Variants in GRHL2 observed in about 807,000 individuals in gnomAD.
GRHL2 encodes grainyhead-like protein 2 homolog.
Under a neutral mutation model 83.8 loss-of-function variants are expected in GRHL2, and 21 were observed. The ratio of observed to expected loss-of-function variants is 0.25; its 90% confidence interval spans 0.18 to 0.36. GRHL2 has a LOEUF of 0.36. GRHL2 is among the 10% of genes least tolerant of loss of function. GRHL2 has a pLI of 1.00. For synonymous variants in GRHL2, 280 were observed against 278.9 expected, an observed-to-expected ratio of 1.00 and a Z score of -0.04; for missense variants, 623 against 781.8, an observed-to-expected ratio of 0.80 and a Z score of 2.42.
chr8:101,524,446 T>C (rs1051626446), intron 1 of GRHL2, among the ~76,000 whole-genome samples: 1 of 152,200 alleles, frequency 6.6e-6, no homozygotes, highest in Non-Finnish European at 1.5e-5. Flanking sequence ...TTTTTAGCCT[T>C]TGTTCCCATC....
intron 1 of GRHL2, among the ~76,000 whole-genome samples, chr8:101,518,039 C>A (rs961473159): frequency 3.3e-5 from 5 of 152,192 alleles, no homozygotes; most frequent in Admixed American, 2.6e-4. Context: ...AGGCTCCACA[C>A]ACTCTTCCCT....
intron 7 of GRHL2, among the ~76,000 whole-genome samples, chr8:101,595,208 A>G (rs1812367495): frequency 6.6e-6 from 1 of 152,236 alleles, no homozygotes; most frequent in South Asian, 2.1e-4. Context: ...TGAAGGTGAT[A>G]GAAACTGACA....
At chr8:101,532,556 C>G (rs1810950783) in intron 1 of GRHL2, among the ~76,000 whole-genome samples, 1 of 152,034 alleles carries the variant, frequency 6.6e-6, no homozygotes, top group Non-Finnish European at 1.5e-5. Context: ...TCAAGACTAG[C>G]CTGACCAACA....
chr8:101,518,924 G>A (rs1810625399), intron 1 of GRHL2, among the ~76,000 whole-genome samples: 2 of 152,168 alleles, frequency 1.3e-5, no homozygotes. Flanking sequence ...CTGTTTGTGA[G>A]GCACATTGGT....
chr8:101,601,327 C>T (rs9649995), intron 8 of GRHL2, among the ~76,000 whole-genome samples: 77,975 of 151,628 alleles, frequency 0.51, 21,908 homozygotes, highest in African/African-American at 0.75. Context: ...TGGGTGAATG[C>T]TTTAACTGTT....
chr8:101,622,391 T>A (rs1219802010), intron 9 of GRHL2, among the ~76,000 whole-genome samples: 2 of 152,194 alleles, frequency 1.3e-5, no homozygotes, highest in Non-Finnish European at 2.9e-5. Flanking sequence ...CAAGCAATAT[T>A]ACTGTAAAGA....
intron 9 of GRHL2, among the ~76,000 whole-genome samples, chr8:101,622,913 A>G (rs1216153389): frequency 6.6e-6 from 1 of 152,178 alleles, no homozygotes; most frequent in Admixed American, 6.5e-5. Context: ...CTTACCTCCC[A>G]CATATCAGTG....
intron 14 of GRHL2, among the ~76,000 whole-genome samples, chr8:101,660,551 G>C (rs1404581605): frequency 6.6e-6 from 1 of 151,840 alleles, no homozygotes; most frequent in East Asian, 1.9e-4. Flanking sequence ...ATTCTCATTT[G>C]GTGTAATAAC....
intron 1 of GRHL2, among the ~76,000 whole-genome samples, chr8:101,533,048 GT>G (rs1810971286): frequency 6.6e-6 from 1 of 152,126 alleles, no homozygotes; most frequent in Non-Finnish European, 1.5e-5. Context: ...GCTGATTGAA[GT>G]TTAGCCTTCC....
rs561349832 is a variant in GRHL2 at position 101,547,409 on chromosome 8, C to T, written c.216+3973C>T. Reference sequence around the variant, plus strand: ...CACTCCTGAAGTTGGAGTATATCACCCCTGTGGGGACAGTCATGGACTCTG... The same window carrying T: ...CACTCCTGAAGTTGGAGTATATCACTCCTGTGGGGACAGTCATGGACTCTG... On this transcript the variant is annotated intron_variant, in intron 2 of 15. Transcript: ENST00000646743. 1.4e-4 allele frequency among the ~76,000 whole-genome samples: 22 copies of T among 152,300 alleles called. No individual in the cohort carries two copies. The South Asian group carries it at 4.6e-3, about 32-fold the overall frequency.
At chr8:101,678,230 C>T in the GRHL2 span, among the ~76,000 whole-genome samples, 310 of 152,224 alleles carry the variant, frequency 2.0e-3, 2 homozygotes, top group African/African-American at 7.2e-3. Flanking sequence ...GTGCGCGCAC[C>T]GTGTGCGAGC....
chr8:101,678,372 G>C, the GRHL2 span, among the ~76,000 whole-genome samples: 1 of 152,120 alleles, frequency 6.6e-6, no homozygotes, highest in African/African-American at 2.4e-5. Flanking sequence ...GCGCTTTTCC[G>C]ACGGGCTTAA....
At chr8:101,602,788 C>T (rs1812545413) in intron 8 of GRHL2, among the ~76,000 whole-genome samples, 1 of 152,218 alleles carries the variant, frequency 6.6e-6, no homozygotes, top group African/African-American at 2.4e-5. Context: ...CCAACTATGT[C>T]CCCCAGGCAA....
intron 1 of GRHL2, among the ~76,000 whole-genome samples, chr8:101,501,961 A>C (rs535052933): frequency 1.0e-3 from 157 of 152,242 alleles, no homozygotes; most frequent in Non-Finnish European, 8.2e-4. Flanking sequence ...AGTCTGTGAA[A>C]TACCTGGTTA....
chr8:101,572,200 G>A (rs543216414), intron 5 of GRHL2, among the ~76,000 whole-genome samples: 29 of 152,136 alleles, frequency 1.9e-4, no homozygotes, highest in Non-Finnish European at 2.8e-4. Context: ...GCAAGCTAGT[G>A]GTCTAGGTGA....
intron 4 of GRHL2, among the ~76,000 whole-genome samples, chr8:101,565,775 C>A (rs1469375443): frequency 6.6e-6 from 1 of 152,184 alleles, no homozygotes; most frequent in Non-Finnish European, 1.5e-5. Flanking sequence ...CTCCCATGTG[C>A]TCAGGAATTG....
At chr8:101,632,204 G>A in intron 10 of GRHL2, 22 bp from the exon 11 acceptor site, 3 of 1,613,726 alleles carry the variant, frequency 1.9e-6, no homozygotes, top group Non-Finnish European at 2.5e-6. Flanking sequence ...TCTCATTTAT[G>A]AGTTTGTGTG....
intron 15 of GRHL2, among the ~76,000 whole-genome samples, chr8:101,665,540 A>ATG (rs1324011552): frequency 3.3e-5 from 5 of 152,166 alleles, no homozygotes; most frequent in Non-Finnish European, 7.4e-5. Flanking sequence ...GCCGAGGTCA[A>ATG]TGTAGTAGGC....
intron 7 of GRHL2, among the ~76,000 whole-genome samples, chr8:101,594,832 C>A (rs1008570884): frequency 6.6e-6 from 1 of 152,160 alleles, no homozygotes; most frequent in South Asian, 2.1e-4. Flanking sequence ...GAGAAAGCAG[C>A]AGTATTTAAG....
Sources: gnomAD v4.1 joint callset for allele counts (sites outside exome capture counted in the v4.1 genomes callset) on GRCh38, gnomAD v4.1.1 for gene constraint, MANE v1.5 for transcripts, NCBI Gene and HGNC (gene_info 2026-07-23, HGNC 2026-07-21) for gene names.